The following DCHS2 variants were observed in gnomAD, a reference collection of about 807,000 sequenced individuals.
DCHS2 encodes dachsous cadherin-related 2.
In DCHS2, 142 loss-of-function variants were observed where a neutral mutation model predicts 182.4. The ratio of observed to expected loss-of-function variants is 0.78; its 90% CI spans 0.68 to 0.89. The LOEUF (loss-of-function observed/expected upper bound fraction) is 0.89. Among genes scored for constraint, DCHS2 ranks in the 40% least tolerant of loss-of-function variants. The pLI is 0.00. For synonymous variants in DCHS2, 1,740 were observed against 1,663.3 expected (o/e 1.05, Z -1.12); for missense variants, 4,319 against 4,198.6 (o/e 1.03, Z -0.79).
At chr4:154,388,494 A>ATT (rs35945131) in intron 1 of DCHS2, among the ~76,000 whole-genome samples, 37,274 of 130,448 alleles carry the variant, frequency 0.29, 7,008 homozygotes, top group Non-Finnish European at 0.41. Flanking sequence ...AATAGATGTA[A>ATT]TTTTTTTTTT....
intron 9 of DCHS2, among the ~76,000 whole-genome samples, chr4:154,318,917 T>C (rs1281193122): frequency 6.6e-6 from 1 of 152,078 alleles, no homozygotes; most frequent in East Asian, 1.9e-4. Flanking sequence ...AGAACAAAGC[T>C]GGAGGCATCA....
Position 154,315,914 on chromosome 4 carries a change from A to T in DCHS2, c.5094T>A (p.Asp1698Glu). 6.2e-7 allele frequency: 1 copy of T among 1,614,074 alleles called. No individual in the cohort carries two copies. The highest frequency in any genetic ancestry group is 8.5e-7 in the Non-Finnish European group (1 of 1,179,992). ...ATGAAGAAAGTGCTGGTGTGCCATCATCCAGTGCCAGAACAGTCAGAATAT... is the reference window on the plus strand; with the variant it reads ...ATGAAGAAAGTGCTGGTGTGCCATCTTCCAGTGCCAGAACAGTCAGAATAT... ...TQHILTVLAL[D>E]DGTPALSSSQ... Residue 1698 changes from aspartate to glutamate, a missense_variant, in exon 10 of 20, where the codon GAT becomes GAA. Asp to Glu is a conservative substitution (Grantham distance 45, BLOSUM62 2). Coordinates refer to ENST00000357232, the MANE Select transcript of DCHS2 (RefSeq NM_001358235.2).
chr4:154,385,922 T>G (rs543907067), intron 1 of DCHS2, among the ~76,000 whole-genome samples: 1 of 152,104 alleles, frequency 6.6e-6, no homozygotes, highest in East Asian at 1.9e-4. Flanking sequence ...GACTCCCCAA[T>G]TCTAAATCTC....
Position 154,297,898 on chromosome 4 carries a change from A to T in DCHS2, c.6416T>A (p.Phe2139Tyr), listed in dbSNP as rs1735007560. The T allele has an allele frequency of 6.2e-7, 1 of 1,613,916 alleles. No individual in the cohort carries two copies. The highest frequency in any genetic ancestry group is 2.2e-5 in the East Asian group (1 of 44,872). ...HMEGEDVKIS[F>Y]SHHLYKGLVT... is the part of the protein sequence containing the mutation. ...GAGCCCTTTATACAGGTGGTGGCTG[A>T]AGGAAATCTTTACATCTTCTCCTTC... Residue 2139 changes from phenylalanine (F) to tyrosine (Y), a missense_variant, in exon 13 of 20, where the codon TTC (phenylalanine) becomes TAC (tyrosine). Physicochemically the swap from Phe to Tyr is conservative, Grantham distance 22 (BLOSUM62 3). Transcript: ENST00000357232.
chr4:154,293,965 G>A (rs1175442568), intron 13 of DCHS2, among the ~76,000 whole-genome samples: 1 of 151,354 alleles, frequency 6.6e-6, no homozygotes, highest in Non-Finnish European at 1.5e-5. Flanking sequence ...TACCCCATGA[G>A]TTTTTTTTTC....
chr4:154,332,218 A>G (rs1736565455), intron 5 of DCHS2, among the ~76,000 whole-genome samples: 1 of 152,226 alleles, frequency 6.6e-6, no homozygotes, highest in Non-Finnish European at 1.5e-5. Context: ...GATGTGATGC[A>G]GGGAAAGTAT....
chr4:154,480,957 T>C lies in DCHS2; in HGVS notation c.2052+8347A>G, dbSNP rs115946468. ...TCTAATTATAATAATATGTTAACAATTATTTTAATAATGTTTCCTTTAATA... is the reference window on the plus strand; with the variant it reads ...TCTAATTATAATAATATGTTAACAACTATTTTAATAATGTTTCCTTTAATA... On this transcript the variant is annotated intron_variant, in intron 1 of 19. Coordinates refer to ENST00000357232, the MANE Select transcript of DCHS2 (RefSeq NM_001358235.2). 2.0e-3 allele frequency among the ~76,000 whole-genome samples: 312 copies of C among 152,304 alleles called. 1 individual carries two copies. The highest frequency in any genetic ancestry group is 6.8e-3 in the African/African-American group (284 of 41,568).
rs1307529748 is a variant in DCHS2, at chr4:154,236,105, G to T, written c.8547C>A (p.Cys2849Ter). 1.9e-6 allele frequency: 3 copies of T among 1,613,660 alleles called. No individual in the cohort carries two copies. The highest frequency in any genetic ancestry group is 2.5e-6 in the Non-Finnish European group (3 of 1,179,940). ...CTTTGTCTTTGGCTTGGACTGTGAG[G>T]CAGTATTTATTGCCATTTTCATAGT... ...ILDYENGNKYCLTVQAKDKGD... is the reference protein window; with the variant it reads ...ILDYENGNKY The change falls in exon 20 of 20, where the codon TGC becomes TGA. Residue 2849 changes from cysteine to a stop codon, truncating the protein, a stop_gained. Transcript: ENST00000357232. LOFTEE classifies it low-confidence loss of function (END_TRUNC).
At position 154,269,921 on chromosome 4, in the gene DCHS2, G is replaced by C. The variant is rs1234889640; in HGVS notation, c.6556C>G (p.Leu2186Val). 2 of 1,612,296 alleles carry C rather than the reference G, an allele frequency of 1.2e-6. No individual in the cohort carries two copies. Among genetic ancestry groups the C allele is most frequent in the East Asian group, 2.2e-5 (1 of 44,732 alleles). Residue 2186 changes from leucine to valine, a missense_variant, in exon 14 of 20, where the codon CTT (leucine) becomes GTT (valine). Transcript: ENST00000357232. ...SIFSGNEDGV[L>V]SLCSKSGQLT... is the part of the protein sequence containing the mutation. ...TTACCTGACTTAGAGCACAGGGAAA[G>C]AACTCCATCTTCATTTCCACTAAAA...
At chr4:154,318,881 C>T (rs1271929818) in intron 9 of DCHS2, among the ~76,000 whole-genome samples, 1 of 151,912 alleles carries the variant, frequency 6.6e-6, no homozygotes, top group African/African-American at 2.4e-5. Flanking sequence ...TCAAAGAACC[C>T]CAAAGAGTGA....
At chr4:154,279,318 T>TAAAG (rs148888543) in intron 13 of DCHS2, among the ~76,000 whole-genome samples, 3,094 of 151,350 alleles carry the variant, frequency 0.02, 103 homozygotes, top group African/African-American at 0.072. Context: ...GAGAAGAAAA[T>TAAAG]AAATGAAAAA....
intron 1 of DCHS2, among the ~76,000 whole-genome samples, chr4:154,475,198 CTT>C (rs1206459840): frequency 1.3e-5 from 2 of 152,070 alleles, no homozygotes; most frequent in African/African-American, 4.8e-5. Context: ...CTTCTGTAAA[CTT>C]ATATATTTAC....
chr4:154,288,095 A>G (rs2130708), intron 13 of DCHS2, among the ~76,000 whole-genome samples: 91,037 of 151,798 alleles, frequency 0.6, 27,772 homozygotes, highest in Middle Eastern at 0.68. Flanking sequence ...CACTGAATGT[A>G]ACTGGACTAA....
chr4:154,414,472 T>C (rs1732750848), intron 1 of DCHS2, among the ~76,000 whole-genome samples: 1 of 136,126 alleles, frequency 7.3e-6, no homozygotes, highest in Non-Finnish European at 1.6e-5. Context: ...ACAAAAAATA[T>C]CTCCATACAG....
chr4:154,465,394 T>G (rs1011776647), intron 1 of DCHS2, among the ~76,000 whole-genome samples: 1 of 152,118 alleles, frequency 6.6e-6, no homozygotes. Context: ...ACTGGCCAAG[T>G]GCAGTGGCTC....
chr4:154,365,121 T>C (rs1313902476), intron 3 of DCHS2, among the ~76,000 whole-genome samples: 1 of 152,154 alleles, frequency 6.6e-6, no homozygotes, highest in Non-Finnish European at 1.5e-5. Flanking sequence ...GCTTGCCCAC[T>C]GGGATTCTTT....
intron 1 of DCHS2, among the ~76,000 whole-genome samples, chr4:154,464,851 C>G (rs867244607): frequency 2.0e-5 from 3 of 152,150 alleles, no homozygotes; most frequent in African/African-American, 4.8e-5. Context: ...AAAGGCTGTT[C>G]CTGAGGAGTA....
chr4:154,378,063 G>T lies in DCHS2; in HGVS notation c.2053-619C>A, dbSNP rs201342632. 6.6e-5 allele frequency among the ~76,000 whole-genome samples: 10 copies of T among 152,284 alleles called. No individual in the cohort carries two copies. The East Asian group carries it at 1.7e-3, about 27-fold the overall frequency. Reference sequence around the variant, plus strand: ...GTGGTGTAGCATTCAGTCTGCAGGTGCCTGTAGGTACATGGGGAATGAAAT... The same window carrying T: ...GTGGTGTAGCATTCAGTCTGCAGGTTCCTGTAGGTACATGGGGAATGAAAT... On this transcript the variant is annotated intron_variant, in intron 1 of 19. Coordinates refer to ENST00000357232, the MANE Select transcript of DCHS2 (RefSeq NM_001358235.2).
chr4:154,341,416 G>A (rs1007755182), intron 3 of DCHS2, among the ~76,000 whole-genome samples: 1 of 149,946 alleles, frequency 6.7e-6, no homozygotes, highest in Non-Finnish European at 1.5e-5. Flanking sequence ...TCAAAACACC[G>A]CTCTATAAGC....
Sources: gnomAD v4.1 joint callset for allele counts (sites outside exome capture counted in the v4.1 genomes callset) on GRCh38, gnomAD v4.1.1 for gene constraint, MANE v1.5 for transcripts, NCBI Gene and HGNC (gene_info 2026-07-23, HGNC 2026-07-21) for gene names.